FBXO4: variants seen among roughly 807,000 people sequenced by gnomAD.
FBXO4 encodes the protein F-box only protein 4.
FBXO4 carries 36 observed loss-of-function variants against 43.7 expected under a neutral mutation model. The ratio of observed to expected loss-of-function variants is 0.82; its 90% CI spans 0.63 to 1.09. FBXO4 has a LOEUF of 1.09. Ranked by LOEUF, FBXO4 falls within the 50% of genes least tolerant of loss-of-function variation. The pLI is 0.00. For missense variants in FBXO4, 435 were observed against 474.1 expected, an observed-to-expected ratio of 0.92 and a Z score of 0.77; for synonymous variants, 180 against 165.6, an observed-to-expected ratio of 1.09 and a Z score of -0.67.
At chr5:41,973,305 C>T in the FBXO4 span, among the ~76,000 whole-genome samples, 18 of 152,148 alleles carry the variant, frequency 1.2e-4, no homozygotes, top group South Asian at 6.2e-4. Flanking sequence ...GCACCCAACG[C>T]GCATATTTAA....
At chr5:41,983,789 T>C in the FBXO4 span, among the ~76,000 whole-genome samples, 1 of 152,060 alleles carries the variant, frequency 6.6e-6, no homozygotes, top group Non-Finnish European at 1.5e-5. Flanking sequence ...TAAAAATATG[T>C]CATATGTTTC....
chr5:41,963,477 A>G, the FBXO4 span, among the ~76,000 whole-genome samples: 1 of 152,174 alleles, frequency 6.6e-6, no homozygotes. Flanking sequence ...CCACATTGTC[A>G]AACATCTTTC....
At chr5:41,999,561 ATG>A in the FBXO4 span, among the ~76,000 whole-genome samples, 2 of 129,370 alleles carry the variant, frequency 1.5e-5, no homozygotes, top group African/African-American at 6.1e-5. Context: ...ATATATATAT[ATG>A]TATATATATA....
the FBXO4 span, among the ~76,000 whole-genome samples, chr5:41,977,030 TG>T: frequency 6.6e-6 from 1 of 152,188 alleles, no homozygotes; most frequent in Non-Finnish European, 1.5e-5. Context: ...AAGCTGTACC[TG>T]GGTCCTGTTG....
chr5:42,031,062 G>C, the FBXO4 span, among the ~76,000 whole-genome samples: 2 of 152,152 alleles, frequency 1.3e-5, no homozygotes. Flanking sequence ...ATTCCTCAGG[G>C]ATCTAGAACT....
At chr5:42,010,456 T>C in the FBXO4 span, among the ~76,000 whole-genome samples, 141 of 150,792 alleles carry the variant, frequency 9.4e-4, no homozygotes, top group African/African-American at 3.3e-3. Flanking sequence ...TGTAGTGAGC[T>C]GAGATTGCAC....
Position 41,929,928 on chromosome 5 carries a change from T to C in FBXO4, c.646+11T>C. On this transcript the variant is annotated intron_variant, in intron 3 of 6. Transcript: ENST00000281623. ...AGAGGCAGATTGATGGTAATTTTCA[T>C]GTTAATCTACAGTTAATTCAAACAC... 3 of 1,581,630 alleles carry C rather than the reference T, an allele frequency of 1.9e-6. No individual in the cohort carries two copies. Among genetic ancestry groups the C allele is most frequent in the Non-Finnish European group, 2.6e-6 (3 of 1,157,262 alleles).
At chr5:41,982,353 T>C in the FBXO4 span, among the ~76,000 whole-genome samples, 1 of 152,194 alleles carries the variant, frequency 6.6e-6, no homozygotes, top group African/African-American at 2.4e-5. Context: ...TGAACTAGTT[T>C]ACAGTCCCAC....
At chr5:41,992,285 T>C in the FBXO4 span, among the ~76,000 whole-genome samples, 9 of 152,188 alleles carry the variant, frequency 5.9e-5, no homozygotes, top group Admixed American at 4.6e-4. Flanking sequence ...TGAAATTAAG[T>C]ATAAAGTCTT....
the FBXO4 span, among the ~76,000 whole-genome samples, chr5:41,993,796 C>A: frequency 6.6e-6 from 1 of 151,940 alleles, no homozygotes; most frequent in South Asian, 2.1e-4. Context: ...TGTTCAAGGG[C>A]AAGAAGCATC....
At chr5:41,989,707 G>T in the FBXO4 span, among the ~76,000 whole-genome samples, 1 of 152,064 alleles carries the variant, frequency 6.6e-6, no homozygotes, top group Admixed American at 6.6e-5. Flanking sequence ...ACCCTGTAAT[G>T]ATTTGCTAAT....
At chr5:41,947,045 A>C in the FBXO4 span, among the ~76,000 whole-genome samples, 1 of 152,242 alleles carries the variant, frequency 6.6e-6, no homozygotes. Context: ...GCCTAAGCTA[A>C]TACTATTGTA....
At chr5:41,962,862 T>C in the FBXO4 span, among the ~76,000 whole-genome samples, 12,101 of 152,244 alleles carry the variant, frequency 0.079, 694 homozygotes, top group African/African-American at 0.16. Flanking sequence ...ATTCCTTAAA[T>C]GTTCATCAGT....
chr5:41,925,426 C>A lies in FBXO4; in HGVS notation c.117C>A (p.Ser39Arg). The part of the protein sequence containing the change: ...SGWKTFWQSV[S>R]KERVARTTSR... ...GGAAGACCTTCTGGCAGTCAGTGAG[C>A]AAGGAGAGGGTGGCGCGTACGACCT... The change falls in exon 1 of 7, where the codon AGC (serine) becomes AGA (arginine). Residue 39 changes from serine (S) to arginine (R), a missense_variant. Physicochemically the swap from Ser to Arg is moderately radical, Grantham distance 110. Transcript: ENST00000281623. The A allele has an allele frequency of 2.2e-6, 3 of 1,379,388 alleles. No individual in the cohort carries two copies. The highest frequency in any genetic ancestry group is 2.8e-6 in the Non-Finnish European group (3 of 1,060,288). The allele number at this position is 1,379,388 out of a possible 1,614,324, so 85.4% of individuals were successfully genotyped here.
At chr5:41,952,161 C>T in the FBXO4 span, 23 of 164,514 alleles carry the variant, frequency 1.4e-4, no homozygotes, top group East Asian at 3.5e-3. Context: ...TTCTGTCCTC[C>T]TTCATTTTCA....
chr5:41,964,067 A>C, the FBXO4 span: 1 of 152,208 alleles, frequency 6.6e-6, no homozygotes, highest in African/African-American at 2.4e-5. Flanking sequence ...CATTGAAATA[A>C]GGAAATTCCT....
At chr5:42,039,221 A>G in the FBXO4 span, among the ~76,000 whole-genome samples, 2 of 152,112 alleles carry the variant, frequency 1.3e-5, no homozygotes, top group Non-Finnish European at 2.9e-5. Flanking sequence ...CTTTTTTGTG[A>G]CATCTGATAG....
At chr5:42,035,775 A>G in the FBXO4 span, among the ~76,000 whole-genome samples, 1 of 152,154 alleles carries the variant, frequency 6.6e-6, no homozygotes, top group Non-Finnish European at 1.5e-5. Flanking sequence ...GTATGCAGTG[A>G]AAGTCCTTTA....
the FBXO4 span, among the ~76,000 whole-genome samples, chr5:42,018,680 A>G: frequency 6.6e-6 from 1 of 152,180 alleles, no homozygotes; most frequent in Non-Finnish European, 1.5e-5. Context: ...CCCTAAGTCA[A>G]TAGAATTTTT....
Sources: allele counts gnomAD v4.1 joint callset (sites outside exome capture counted in the v4.1 genomes callset), GRCh38; gene constraint gnomAD v4.1.1; transcripts MANE v1.5; gene names NCBI Gene and HGNC (gene_info 2026-07-23, HGNC 2026-07-21).